PCDHGA1: variants seen among roughly 807,000 people sequenced by gnomAD.
PCDHGA1 encodes protocadherin gamma subfamily A, 1.
PCDHGA1 carries 32 observed loss-of-function variants against 58.0 expected under a neutral mutation model. That is an observed-to-expected ratio of 0.55 (90% CI 0.42 to 0.74). The LOEUF is 0.74. Ranked by LOEUF, PCDHGA1 falls within the 30% of genes least tolerant of loss-of-function variation. The pLI is 0.00. For missense variants in PCDHGA1, 1,205 were observed against 1,182.3 expected (o/e 1.02, Z -0.28); for synonymous variants, 498 against 501.1 (o/e 0.99, Z 0.08).
chr5:141,360,008 C>G, intron 1 of PCDHGA1: 1 of 1,210,692 alleles, frequency 8.3e-7, no homozygotes, highest in Non-Finnish European at 1.1e-6. Context: ...ACAAACCAAC[C>G]ACACAGAGAA....
At chr5:141,359,102 A>G (rs1459397500) in intron 1 of PCDHGA1, among the ~76,000 whole-genome samples, 6 of 152,232 alleles carry the variant, frequency 3.9e-5, no homozygotes, top group Non-Finnish European at 8.8e-5. Context: ...ATGGTTTTGT[A>G]TTCATAGAAA....
intron 1 of PCDHGA1, chr5:141,393,647 A>T: frequency 6.2e-7 from 1 of 1,613,964 alleles, no homozygotes; most frequent in Non-Finnish European, 8.5e-7. Context: ...GAAAAGTGGC[A>T]TACAAATTCC....
intron 1 of PCDHGA1, among the ~76,000 whole-genome samples, chr5:141,483,517 CCTGA>C (rs72004558): frequency 0.16 from 24,470 of 151,950 alleles, 2,064 homozygotes; most frequent in African/African-American, 0.21. Context: ...CCCCCTAGAT[CCTGA>C]CTAAGGAAGC....
At chr5:141,451,077 C>T (rs1422196268) in intron 1 of PCDHGA1, among the ~76,000 whole-genome samples, 1 of 152,098 alleles carries the variant, frequency 6.6e-6, no homozygotes, top group Admixed American at 6.6e-5. Context: ...ATCCACCCAC[C>T]TTGACCTCCC....
chr5:141,388,522 C>G, intron 1 of PCDHGA1: 1 of 1,613,868 alleles, frequency 6.2e-7, no homozygotes, highest in East Asian at 2.2e-5. Flanking sequence ...TTGACTTTGA[C>G]TGCCTTGGAC....
chr5:141,378,385 G>T, intron 1 of PCDHGA1: 1 of 152,308 alleles, frequency 6.6e-6, no homozygotes, highest in Non-Finnish European at 1.5e-5. Flanking sequence ...TAGCCAGGTG[G>T]GGTGGCATGG....
intron 1 of PCDHGA1, chr5:141,365,365 C>A (rs761258930): frequency 6.2e-7 from 1 of 1,613,928 alleles, no homozygotes. Context: ...ACAATGCCCC[C>A]GAAGTGATCC....
At position 141,362,521 on chromosome 5, in the gene PCDHGA1, G is replaced by T. The variant is rs1299145664; in HGVS notation, c.2421+29416G>T. On this transcript the variant is annotated intron_variant, in intron 1 of 3. Transcript: ENST00000517417. ...GGAACAAAATACAAATCATGGAGCC[G>T]CTGGGGTCCCTTTTGCCTCAGATAC... The T allele has an allele frequency of 2.2e-5, 36 of 1,613,832 alleles. No individual in the cohort carries two copies. The highest frequency in any genetic ancestry group is 2.8e-5 in the Non-Finnish European group (33 of 1,179,902).
chr5:141,421,905 A>C, intron 1 of PCDHGA1: 1 of 1,613,752 alleles, frequency 6.2e-7, no homozygotes, highest in Non-Finnish European at 8.5e-7. Context: ...GAAAGGGCGC[A>C]GTTCCCATTC....
Position 141,432,878 on chromosome 5 carries a change from TTCGTCA to T in PCDHGA1, c.2422-61926_2422-61921del. 6.2e-7 allele frequency: 1 copy of T among 1,614,178 alleles called. No individual in the cohort carries two copies. The highest frequency in any genetic ancestry group is 1.7e-5 in the Admixed American group (1 of 60,036). Reference sequence around the variant, plus strand: ...CGCGGTCTCCTGCGTCTTCCTGGCCTTCGTCATCTTGCTGCTGGCGCTCAGGCTGCG... The same window carrying T: ...CGCGGTCTCCTGCGTCTTCCTGGCCTTCTTGCTGCTGGCGCTCAGGCTGCG... On this transcript the variant is annotated intron_variant, in intron 1 of 3. Transcript: ENST00000517417. This position sits in a 1 kb window ranked among gnomAD's most constrained non-coding sequence, Gnocchi z 6.0.
rs1436956912 is a variant in PCDHGA1, at chr5:141,438,609, TATATATATATATATATATATATATATAC to T, written c.2422-56196_2422-56169del. Reference sequence around the variant, plus strand: ...ATACATACATATATATATATATATATATATATATATATATATATATATATATACACACACACACACACATATATGTATA... The same window carrying T: ...ATACATACATATATATATATATATATACACACACACACACATATATGTATA... On this transcript the variant is annotated intron_variant, in intron 1 of 3. Coordinates refer to ENST00000517417, the MANE Select transcript of PCDHGA1 (RefSeq NM_018912.3). Among the ~76,000 whole-genome samples the T allele has an allele frequency of 2.2e-3, 92 of 41,082 alleles. 2 individuals are homozygous for T. Among genetic ancestry groups the T allele is most frequent in the East Asian group, 7.4e-3 (6 of 810 alleles). The allele number at this position is 41,082 out of a possible 152,430, so 27.0% of individuals were successfully genotyped here.
chr5:141,385,526 G>C (rs1265906180), intron 1 of PCDHGA1: 1 of 1,352,594 alleles, frequency 7.4e-7, no homozygotes, highest in East Asian at 2.7e-5. Context: ...CTATGGACAA[G>C]ATTATGAATA....
intron 1 of PCDHGA1, among the ~76,000 whole-genome samples, chr5:141,467,772 C>A (rs972304213): frequency 1.3e-5 from 2 of 151,686 alleles, no homozygotes; most frequent in Admixed American, 6.6e-5. Flanking sequence ...AGTGCCCGCA[C>A]CTCAGCCTCT....
At chr5:141,458,264 G>A (rs1489144612) in intron 1 of PCDHGA1, among the ~76,000 whole-genome samples, 3 of 152,092 alleles carry the variant, frequency 2.0e-5, no homozygotes, top group Non-Finnish European at 2.9e-5. Flanking sequence ...GATGAGTGGA[G>A]GAACAACAGG....
chr5:141,488,210 A>G (rs2099673009), intron 1 of PCDHGA1, among the ~76,000 whole-genome samples: 1 of 152,192 alleles, frequency 6.6e-6, no homozygotes, highest in Admixed American at 6.5e-5. Context: ...ACTCATATCA[A>G]GTCCCTACTG....
At chr5:141,382,123 T>C (rs1431842426) in intron 1 of PCDHGA1, among the ~76,000 whole-genome samples, 1 of 152,126 alleles carries the variant, frequency 6.6e-6, no homozygotes, top group Non-Finnish European at 1.5e-5. Context: ...CAACAGCACC[T>C]GGCCCCCCCT....
At position 141,428,093 on chromosome 5, in the gene PCDHGA1, C is replaced by T. The variant is rs577985465; in HGVS notation, c.2422-66714C>T. On this transcript the variant is annotated intron_variant, in intron 1 of 3. Transcript: ENST00000517417. ...ATTCGGGACACAACGCTTGGCTGTC[C>T]TACCACGTGCTGCAGGCCATCGAGC... 2.4e-4 allele frequency: 380 copies of T among 1,608,880 alleles called. 2 individuals are homozygous for T. The South Asian group carries it at 4.0e-3, about 17-fold the overall frequency.
At chr5:141,353,009 A>G (rs967480372) in intron 1 of PCDHGA1, among the ~76,000 whole-genome samples, 2 of 152,144 alleles carry the variant, frequency 1.3e-5, no homozygotes, top group Admixed American at 1.3e-4. Context: ...AACAAAAATT[A>G]TATATTGCAT....
At chr5:141,365,407 C>G in intron 1 of PCDHGA1, 2 of 1,614,012 alleles carry the variant, frequency 1.2e-6, no homozygotes, top group South Asian at 1.1e-5. Flanking sequence ...TCTCTGAAGA[C>G]TGTCTTCCCG....
Sources: allele counts gnomAD v4.1 joint callset (sites outside exome capture counted in the v4.1 genomes callset), GRCh38; gene constraint gnomAD v4.1.1; non-coding constraint Gnocchi (gnomAD v3.1); transcripts MANE v1.5; gene names NCBI Gene and HGNC (gene_info 2026-07-23, HGNC 2026-07-21).